The following DIP2A variants were observed in gnomAD, a reference collection of about 807,000 sequenced individuals.
DIP2A encodes the protein disco-interacting protein 2 homolog A.
In DIP2A, 85 loss-of-function variants were observed where a neutral mutation model predicts 177.4. The observed-to-expected ratio is 0.48, with a 90% CI of 0.40 to 0.57. DIP2A has a LOEUF of 0.57. Ranked by LOEUF, DIP2A falls within the 20% of genes least tolerant of loss-of-function variation. The pLI, the probability that DIP2A is intolerant of heterozygous loss-of-function variation, is 0.00. For missense variants in DIP2A, 1,791 were observed against 2,100.2 expected, an observed-to-expected ratio of 0.85 and a Z score of 2.88; for synonymous variants, 886 against 881.8, an observed-to-expected ratio of 1.00 and a Z score of -0.08.
chr21:46,469,553 G>T (rs908923236), intron 1 of DIP2A, among the ~76,000 whole-genome samples: 4 of 152,192 alleles, frequency 2.6e-5, no homozygotes, highest in African/African-American at 9.7e-5. Context: ...TTTGTTTGGG[G>T]CCCATGAGGG....
At chr21:46,515,636 A>G (rs2058540029) in intron 8 of DIP2A, among the ~76,000 whole-genome samples, 1 of 152,128 alleles carries the variant, frequency 6.6e-6, no homozygotes, top group South Asian at 2.1e-4. Context: ...CCCCAGGCTC[A>G]GGTGATCCTC....
Position 46,481,685 on chromosome 21 carries a change from T to C in DIP2A, c.92-3072T>C, listed in dbSNP as rs58229824. On this transcript the variant is annotated intron_variant, in intron 1 of 37. Transcript: ENST00000417564. ...CATATAGTGGTATCTCATTATGGTT[T>C]TGTGTTTCCTAACAGAAGGAAAATG... is the stretch of plus-strand genomic sequence containing the variant. Among the ~76,000 whole-genome samples, 382 of 152,336 alleles carry C rather than the reference T, an allele frequency of 2.5e-3. 2 individuals carry two copies. Among genetic ancestry groups the C allele is most frequent in the African/African-American group, 8.9e-3 (370 of 41,572 alleles).
chr21:46,507,692 CTTTTTTTTTTT>C (rs34594717), intron 6 of DIP2A, among the ~76,000 whole-genome samples: 2 of 43,952 alleles, frequency 4.6e-5, no homozygotes, highest in Non-Finnish European at 3.8e-5. Context: ...ATTTTCTGTT[CTTTTTTTTTTT>C]TTTTTTTTTT....
At position 46,464,817 on chromosome 21, in the gene DIP2A, C is replaced by CTTTTTTTTTTTTTTTT. The variant is rs1168153777; in HGVS notation, c.91+5607_91+5622dup. 9.5e-3 allele frequency among the ~76,000 whole-genome samples: 697 copies of CTTTTTTTTTTTTTTTT among 73,352 alleles called. 89 individuals carry two copies. The highest frequency in any genetic ancestry group is 0.012 in the Non-Finnish European group (485 of 40,320). 48.1% of individuals were successfully genotyped at this position (73,352 alleles called of 152,430 possible). ...TCTTCCTTTTTCTTAATATTCATGTCTTTTTTTTTTTTTTTTTTTTTTTTT... is the reference window on the plus strand; with the variant it reads ...TCTTCCTTTTTCTTAATATTCATGTCTTTTTTTTTTTTTTTTTTTTTTTTTTTTTTTTTTTTTTTTT... On this transcript the variant is annotated intron_variant, in intron 1 of 37. Coordinates refer to ENST00000417564, the MANE Select transcript of DIP2A (RefSeq NM_015151.4).
rs771435995 is a variant in DIP2A, at chr21:46,532,205, C to T, written c.1273C>T (p.Pro425Ser). The change falls in exon 10 of 38, where the codon CCT (proline) becomes TCT (serine). Residue 425 changes from proline (P) to serine (S), a missense_variant. Physicochemically the swap from Pro to Ser is moderately conservative, Grantham distance 74. Transcript: ENST00000417564. Reference sequence around the variant, plus strand: ...TGGGTGTCTCCTGGCAGAGCTGGTTCCTGTCCCCATAGAAGTGCCATTAAC... The same window carrying T: ...TGGGTGTCTCCTGGCAGAGCTGGTTTCTGTCCCCATAGAAGTGCCATTAAC... ...FYGCLLAELV[P>S]VPIEVPLTRK... 6.8e-6 allele frequency: 11 copies of T among 1,613,900 alleles called. No individual in the cohort carries two copies. Among genetic ancestry groups the T allele is most frequent in the Non-Finnish European group, 9.3e-6 (11 of 1,179,854 alleles).
intron 1 of DIP2A, among the ~76,000 whole-genome samples, chr21:46,480,162 A>G (rs554515771): frequency 6.6e-6 from 1 of 151,798 alleles, no homozygotes; most frequent in African/African-American, 2.4e-5. Flanking sequence ...GAGACTTGGT[A>G]ATTTATAAAG....
intron 8 of DIP2A, among the ~76,000 whole-genome samples, chr21:46,519,098 G>A (rs920762946): frequency 3.3e-5 from 5 of 152,182 alleles, no homozygotes; most frequent in African/African-American, 1.2e-4. Flanking sequence ...TCCTGACGTT[G>A]CCATGGCTGC....
In DIP2A at chr21:46,498,689, A is replaced by G; in HGVS notation, c.511A>G (p.Ile171Val). Residue 171 changes from isoleucine to valine, a missense_variant, in exon 5 of 38, where the codon ATT becomes GTT. Coordinates refer to ENST00000417564, the MANE Select transcript of DIP2A (RefSeq NM_015151.4). This position sits in a 1 kb window ranked among gnomAD's most constrained non-coding sequence, Gnocchi z 4.3. ...SSVEPWLDRVIQGSSTSSSAS... is the reference protein window; with the variant it reads ...SSVEPWLDRVVQGSSTSSSAS... ...CGTCGAGCCCTGGCTCGACCGGGTC[A>G]TTCAGGGCTCGTCCACCTCATCCTC... 6.2e-7 allele frequency: 1 copy of G among 1,613,802 alleles called. No homozygotes were observed. The highest frequency in any genetic ancestry group is 8.5e-7 in the Non-Finnish European group (1 of 1,179,856).
chr21:46,508,727 T>C (rs538706014), intron 6 of DIP2A, among the ~76,000 whole-genome samples: 59 of 151,870 alleles, frequency 3.9e-4, no homozygotes, highest in African/African-American at 1.3e-3. Context: ...CTGGACCATT[T>C]AAAAAACTGC....
chr21:46,550,105 T>C (rs548100392), intron 22 of DIP2A: 24 of 1,206,656 alleles, frequency 2.0e-5, no homozygotes, highest in African/African-American at 3.1e-5. Context: ...ATAATTAATA[T>C]ATCCATCACC....
chr21:46,503,720 CTTCT>C (rs893069643), intron 5 of DIP2A, among the ~76,000 whole-genome samples: 7 of 131,340 alleles, frequency 5.3e-5, no homozygotes, highest in South Asian at 2.4e-4. Context: ...TCCTTCCTTC[CTTCT>C]TTCTTTCTTT....
At chr21:46,573,815 C>T (rs572327128), downstream of DIP2A, among the ~76,000 whole-genome samples, 1 of 151,806 alleles carries the variant, frequency 6.6e-6, no homozygotes, top group South Asian at 2.1e-4. Flanking sequence ...CAATTGTAAA[C>T]ATTTACACAT....
At chr21:46,560,979 A>G in intron 33 of DIP2A, 196 bp downstream of exon 33, 5 of 985,430 alleles carry the variant, frequency 5.1e-6, no homozygotes, top group Non-Finnish European at 6.0e-6. Context: ...GAGGAAGAGG[A>G]GAGCTGTGTG....
At chr21:46,577,813 C>G in the DIP2A span, among the ~76,000 whole-genome samples, 464 of 152,216 alleles carry the variant, frequency 3.0e-3, 3 homozygotes, top group Admixed American at 4.6e-3. Context: ...TTTCCTTGAG[C>G]AGTGGTTTGT....
At chr21:46,561,973 A>G (rs1601855678) in intron 34 of DIP2A, 168 bp downstream of exon 34, 1 of 938,360 alleles carries the variant, frequency 1.1e-6, no homozygotes, top group Non-Finnish European at 1.3e-6. Flanking sequence ...TGTGGCTGGT[A>G]TATAGAATTA....
At position 46,561,825 on chromosome 21, in the gene DIP2A, G is replaced by C. The variant is rs541887684; in HGVS notation, c.4089+20G>C. On this transcript the variant is annotated intron_variant, in intron 34 of 37. Transcript: ENST00000417564. ...GGAAAGGTAGTGGAAACCAAGACGCGTGCATTCTGAGTCGCGTCTGAGACC... is the reference window on the plus strand; with the variant it reads ...GGAAAGGTAGTGGAAACCAAGACGCCTGCATTCTGAGTCGCGTCTGAGACC... 3 of 1,613,510 alleles carry C rather than the reference G, an allele frequency of 1.9e-6. No homozygotes were observed. Among genetic ancestry groups the C allele is most frequent in the Non-Finnish European group, 2.5e-6 (3 of 1,179,564 alleles).
rs755130831 is a variant in DIP2A at position 46,557,676 on chromosome 21, G to A, written c.3721G>A (p.Ala1241Thr). Residue 1241 changes from alanine (A) to threonine (T), a missense_variant, in exon 31 of 38, where the codon GCC becomes ACC. By Grantham distance (58) the Ala-to-Thr change is moderately conservative. Transcript: ENST00000417564. This position sits in a 1 kb window ranked among gnomAD's most constrained non-coding sequence, Gnocchi z 6.0. Reference sequence around the variant, plus strand: ...GCTGTCGGCCGTCAGCCAGTACAAGGCCCGCGTCACCTTCTGCTCCTACTC... The same window carrying A: ...GCTGTCGGCCGTCAGCCAGTACAAGACCCGCGTCACCTTCTGCTCCTACTC... Reference protein sequence around the residue: ...LWLSAVSQYKARVTFCSYSVM... With the variant: ...LWLSAVSQYKTRVTFCSYSVM... 19 of 1,613,470 alleles carry A rather than the reference G, an allele frequency of 1.2e-5. No homozygotes were observed. The highest frequency in any genetic ancestry group is 3.3e-5 in the Admixed American group (2 of 59,984).
At chr21:46,519,756 T>C (rs989512581) in intron 8 of DIP2A, among the ~76,000 whole-genome samples, 4 of 149,660 alleles carry the variant, frequency 2.7e-5, no homozygotes, top group African/African-American at 9.8e-5. Context: ...CCCAAGTAAA[T>C]TAAATAGGGA....
intron 9 of DIP2A, among the ~76,000 whole-genome samples, chr21:46,529,630 A>G (rs1212848016): frequency 6.6e-6 from 1 of 152,102 alleles, no homozygotes; most frequent in East Asian, 1.9e-4. Context: ...GCAGTGAAAA[A>G]TATTAAATAT....
Sources: gnomAD v4.1 joint callset for allele counts (sites outside exome capture counted in the v4.1 genomes callset) on GRCh38, gnomAD v4.1.1 for gene constraint, Gnocchi (gnomAD v3.1) non-coding constraint, MANE v1.5 for transcripts, NCBI Gene and HGNC (gene_info 2026-07-23, HGNC 2026-07-21) for gene names.